Variants in PALLD observed in about 807,000 individuals in gnomAD.
PALLD encodes palladin.
Under a neutral mutation model 123.5 loss-of-function variants are expected in PALLD, and 61 were observed. The ratio of observed to expected loss-of-function variants is 0.49; its 90% CI spans 0.40 to 0.61. The LOEUF is 0.61. Among genes scored for constraint, PALLD ranks in the 20% least tolerant of loss-of-function variants. The pLI is 0.00. For missense variants in PALLD, 1,273 were observed against 1,377.0 expected (o/e 0.92, Z 1.20); for synonymous variants, 465 against 496.4 (o/e 0.94, Z 0.84).
intron 10 of PALLD, among the ~76,000 whole-genome samples, chr4:168,736,305 G>A (rs6818064): frequency 0.089 from 13,503 of 152,218 alleles, 585 homozygotes; most frequent in South Asian, 0.13. Flanking sequence ...CACACACAGT[G>A]TGTATGTATT....
chr4:168,694,763 C>T (rs551476324), intron 8 of PALLD, among the ~76,000 whole-genome samples: 16 of 152,228 alleles, frequency 1.1e-4, no homozygotes, highest in African/African-American at 3.9e-4. Context: ...GTTTTACACT[C>T]CCCTCTCTGT....
chr4:168,630,392 T>A (rs1338768759), intron 2 of PALLD, among the ~76,000 whole-genome samples: 4 of 152,214 alleles, frequency 2.6e-5, no homozygotes, highest in African/African-American at 7.2e-5. Context: ...AGCAACCTCA[T>A]CCTTATTAAC....
At chr4:168,925,618 T>TAAAG (rs1206286087) in intron 21 of PALLD, among the ~76,000 whole-genome samples, 1 of 152,146 alleles carries the variant, frequency 6.6e-6, no homozygotes, top group South Asian at 2.1e-4. Context: ...ATCCCAAATT[T>TAAAG]AAAGAAAATT....
At chr4:168,559,425 A>C (rs1767639418) in intron 2 of PALLD, among the ~76,000 whole-genome samples, 1 of 152,232 alleles carries the variant, frequency 6.6e-6, no homozygotes, top group Non-Finnish European at 1.5e-5. Flanking sequence ...GAACGAGTAA[A>C]CTATGCCCCC....
rs1012703333 is a variant in PALLD at position 168,910,770 on chromosome 4, C to CT, written c.2623-3155dup. 1.8e-3 allele frequency among the ~76,000 whole-genome samples: 277 copies of CT among 152,282 alleles called. 2 individuals are homozygous for CT. The highest frequency in any genetic ancestry group is 6.3e-3 in the African/African-American group (260 of 41,562). On this transcript the variant is annotated intron_variant, in intron 15 of 21. Coordinates refer to ENST00000505667, the MANE Select transcript of PALLD (RefSeq NM_001166108.2). ...AGGGACAGCAGAACTGGTTTACAAA[C>CT]TTAGACTGATTCCAGAGCTACTGAA...
At chr4:168,615,004 G>A (rs1774084947) in intron 2 of PALLD, among the ~76,000 whole-genome samples, 1 of 152,118 alleles carries the variant, frequency 6.6e-6, no homozygotes, top group African/African-American at 2.4e-5. Flanking sequence ...GAGCCAATAA[G>A]CCCCAGTGCA....
intron 10 of PALLD, among the ~76,000 whole-genome samples, chr4:168,853,263 A>G (rs1266719725): frequency 6.6e-6 from 1 of 152,186 alleles, no homozygotes; most frequent in Non-Finnish European, 1.5e-5. Context: ...TAAAAGTCAA[A>G]TACAGGTTGT....
chr4:168,871,462 T>C (rs1030957268), intron 10 of PALLD, among the ~76,000 whole-genome samples: 1 of 152,122 alleles, frequency 6.6e-6, no homozygotes, highest in Non-Finnish European at 1.5e-5. Flanking sequence ...TCACTGATTT[T>C]GCTTCAAGCA....
At chr4:168,553,334 T>C (rs541466705) in intron 2 of PALLD, among the ~76,000 whole-genome samples, 2 of 152,184 alleles carry the variant, frequency 1.3e-5, no homozygotes, top group African/African-American at 4.8e-5. Context: ...CTGCAAAAGG[T>C]AGAGATGGGT....
chr4:168,917,738 T>C (rs1760487684), intron 17 of PALLD, among the ~76,000 whole-genome samples: 2 of 152,156 alleles, frequency 1.3e-5, no homozygotes, highest in Non-Finnish European at 2.9e-5. Context: ...TTTTATTTCT[T>C]AGGATCATTA....
intron 12 of PALLD, among the ~76,000 whole-genome samples, chr4:168,895,003 T>C (rs1754806876): frequency 6.6e-6 from 1 of 152,206 alleles, no homozygotes; most frequent in Non-Finnish European, 1.5e-5. Flanking sequence ...TCGCCGACAT[T>C]GTCTGAAATA....
At chr4:168,879,914 T>C (rs1227133851) in intron 10 of PALLD, among the ~76,000 whole-genome samples, 1 of 152,114 alleles carries the variant, frequency 6.6e-6, no homozygotes, top group Admixed American at 6.5e-5. Flanking sequence ...TGTATTATCT[T>C]GGTACAAAGA....
intron 2 of PALLD, among the ~76,000 whole-genome samples, chr4:168,647,376 GATTA>G (rs1162989036): frequency 3.9e-5 from 6 of 152,200 alleles, no homozygotes; most frequent in Non-Finnish European, 7.4e-5. Flanking sequence ...TAGAGATCAG[GATTA>G]ATTATTAAAA....
intron 3 of PALLD, among the ~76,000 whole-genome samples, chr4:168,670,027 G>T (rs965029058): frequency 6.6e-6 from 1 of 152,136 alleles, no homozygotes; most frequent in African/African-American, 2.4e-5. Context: ...ATGATAAAAA[G>T]ATGTTTAAAA....
chr4:168,574,938 A>C (rs1241758735), intron 2 of PALLD, among the ~76,000 whole-genome samples: 1 of 152,130 alleles, frequency 6.6e-6, no homozygotes, highest in Admixed American at 6.6e-5. Flanking sequence ...TGAGAGATCA[A>C]CATTCACCAG....
chr4:168,750,984 ATGTGTG>A (rs56827421), intron 10 of PALLD, among the ~76,000 whole-genome samples: 1 of 148,448 alleles, frequency 6.7e-6, no homozygotes. Flanking sequence ...TATTTTATAT[ATGTGTG>A]TGTGTGTGTG....
At chr4:168,510,729 G>GT (rs1762453599) in intron 1 of PALLD, among the ~76,000 whole-genome samples, 1 of 152,194 alleles carries the variant, frequency 6.6e-6, no homozygotes, top group Admixed American at 6.5e-5. Flanking sequence ...TTGGCACACA[G>GT]TCATGCTCAT....
chr4:168,652,531 GT>G (rs1186888544), intron 2 of PALLD, among the ~76,000 whole-genome samples: 1 of 152,122 alleles, frequency 6.6e-6, no homozygotes, highest in African/African-American at 2.4e-5. Context: ...CAACGTGCAG[GT>G]TAACACAAAC....
At chr4:168,669,423 A>G (rs1182413118) in intron 3 of PALLD, among the ~76,000 whole-genome samples, 1 of 150,914 alleles carries the variant, frequency 6.6e-6, no homozygotes, top group Non-Finnish European at 1.5e-5. Flanking sequence ...AAACAAAACA[A>G]AAAAACACTT....
Sources: allele counts gnomAD v4.1 joint callset (sites outside exome capture counted in the v4.1 genomes callset), GRCh38; gene constraint gnomAD v4.1.1; transcripts MANE v1.5; gene names NCBI Gene and HGNC (gene_info 2026-07-23, HGNC 2026-07-21).